The following ERN1 variants were observed in gnomAD, a reference collection of about 807,000 sequenced individuals.
The protein encoded by ERN1 is serine/threonine-protein kinase/endoribonuclease IRE1.
A neutral mutation model predicts 113.1 loss-of-function variants in ERN1; 39 were observed. That is an observed-to-expected ratio of 0.34 (90% CI 0.27 to 0.45). The LOEUF (loss-of-function observed/expected upper bound fraction) is 0.45. Among genes scored for constraint, ERN1 ranks in the 20% least tolerant of loss-of-function variants. The pLI, the probability that ERN1 is intolerant of heterozygous loss-of-function variation, is 1.00. For missense variants in ERN1, 976 were observed against 1,274.8 expected (o/e 0.77, Z 3.57); for synonymous variants, 507 against 515.9 (o/e 0.98, Z 0.23).
chr17:64,119,443 C>T (rs1364387136), intron 1 of ERN1, among the ~76,000 whole-genome samples: 3 of 122,420 alleles, frequency 2.5e-5, no homozygotes, highest in African/African-American at 9.7e-5. Context: ...GGCTGGAGTG[C>T]AGTGGTGGGA....
chr17:64,098,638 C>A (rs1292345967), intron 1 of ERN1: 3 of 508,104 alleles, frequency 5.9e-6, no homozygotes, highest in African/African-American at 5.8e-5. Context: ...CACGCATACA[C>A]ACATTCATGA....
chr17:64,102,611 T>C (rs1862330792), intron 1 of ERN1: 7 of 951,444 alleles, frequency 7.4e-6, no homozygotes, highest in South Asian at 4.8e-5. Flanking sequence ...ATAGCTAACA[T>C]GAATTAAACA....
At chr17:64,127,885 T>C (rs1915121544) in intron 1 of ERN1, among the ~76,000 whole-genome samples, 2 of 152,188 alleles carry the variant, frequency 1.3e-5, no homozygotes, top group African/African-American at 2.4e-5. Context: ...CACATCACTG[T>C]TGCCTGGTTT....
chr17:64,122,291 G>C (rs1309205917), intron 1 of ERN1, among the ~76,000 whole-genome samples: 1 of 152,274 alleles, frequency 6.6e-6, no homozygotes, highest in Middle Eastern at 3.4e-3. Flanking sequence ...TGGGAGAGGA[G>C]GGTAATGCCT....
chr17:64,054,802 C>T lies in ERN1; in HGVS notation c.1699G>A (p.Gly567Arg), dbSNP rs1187799872. The T allele has an allele frequency of 1.2e-6, 2 of 1,609,504 alleles. No individual in the cohort carries two copies. The change falls in exon 14 of 22, where the codon GGG becomes AGG. Residue 567 changes from glycine to arginine, a missense_variant. Transcript: ENST00000433197. This position sits in a 1 kb window ranked among gnomAD's most constrained non-coding sequence, Gnocchi z 4.9. Reference sequence around the variant, plus strand: ...TCCTTGGGACAGAAGGAAATTTTCCCAACTATCACCACGCTGGTTTCCTCA... The same window carrying T: ...TCCTTGGGACAGAAGGAAATTTTCCTAACTATCACCACGCTGGTTTCCTCA... Reference protein sequence around the residue: ...GDEETSVVIVGKISFCPKDVL... With the variant: ...GDEETSVVIVRKISFCPKDVL...
intron 1 of ERN1, among the ~76,000 whole-genome samples, chr17:64,101,195 G>A (rs1914374653): frequency 6.6e-6 from 1 of 152,162 alleles, no homozygotes; most frequent in African/African-American, 2.4e-5. Flanking sequence ...GATCACTTGA[G>A]GTCAGATGTT....
chr17:64,110,835 A>T (rs758748095), intron 1 of ERN1, among the ~76,000 whole-genome samples: 2 of 152,250 alleles, frequency 1.3e-5, no homozygotes, highest in African/African-American at 4.8e-5. Flanking sequence ...GAGATTGGAA[A>T]GCACAAGAAA....
chr17:64,070,823 G>T (rs1466132288), intron 6 of ERN1, among the ~76,000 whole-genome samples: 2 of 152,010 alleles, frequency 1.3e-5, no homozygotes, highest in African/African-American at 4.8e-5. Context: ...CAATTTTCAT[G>T]GCATCCCCGA....
intron 1 of ERN1, among the ~76,000 whole-genome samples, chr17:64,107,122 C>G (rs1567883182): frequency 6.6e-6 from 1 of 152,148 alleles, no homozygotes; most frequent in Non-Finnish European, 1.5e-5. Context: ...ATCAAAAATT[C>G]ACCAAAGCAG....
At chr17:64,118,263 C>A (rs1209283718) in intron 1 of ERN1, among the ~76,000 whole-genome samples, 1 of 152,186 alleles carries the variant, frequency 6.6e-6, no homozygotes, top group Admixed American at 6.5e-5. Flanking sequence ...AGTTGCACAG[C>A]TAGCTAGTAC....
chr17:64,088,216 T>C (rs1263829457), intron 2 of ERN1, among the ~76,000 whole-genome samples: 1 of 152,144 alleles, frequency 6.6e-6, no homozygotes, highest in Non-Finnish European at 1.5e-5. Context: ...TGCTTTTGCT[T>C]TTCCGTTGGA....
chr17:64,042,077 T>TCCA lies in ERN1; in HGVS notation c.*1908_*1910dup, dbSNP rs1912356965. The TCCA allele has an allele frequency of 6.6e-6, 1 of 152,278 alleles. No homozygotes were observed. 9.4% of individuals were successfully genotyped at this position (152,278 alleles called of 1,614,324 possible). ...CTGTTAAATCACTCGTGGCACCTTC[T>TCCA]CCACCTTCTGATCCTCTCTTGGGTT... On this transcript the variant is annotated 3_prime_UTR_variant, in exon 22 of 22. Transcript: ENST00000433197.
At chr17:64,056,971 G>T (rs989984202) in intron 12 of ERN1, among the ~76,000 whole-genome samples, 1 of 152,134 alleles carries the variant, frequency 6.6e-6, no homozygotes, top group African/African-American at 2.4e-5. Context: ...GATGCTCTGA[G>T]CAACCTGCTG....
chr17:64,069,052 T>C (rs1013660008), intron 6 of ERN1, among the ~76,000 whole-genome samples: 5 of 152,124 alleles, frequency 3.3e-5, no homozygotes, highest in Non-Finnish European at 7.3e-5. Flanking sequence ...AAAATAACTT[T>C]AGGGAAAAGA....
At chr17:64,100,819 A>C (rs1215384602) in intron 1 of ERN1, among the ~76,000 whole-genome samples, 1 of 151,792 alleles carries the variant, frequency 6.6e-6, no homozygotes, top group Admixed American at 6.6e-5. Flanking sequence ...TGGAAATAAA[A>C]CTTCAGAGAG....
intron 1 of ERN1, among the ~76,000 whole-genome samples, chr17:64,099,139 A>T (rs922161581): frequency 6.6e-6 from 1 of 152,242 alleles, no homozygotes; most frequent in African/African-American, 2.4e-5. Flanking sequence ...ATAAATAAAG[A>T]CATATGTTCA....
chr17:64,129,892 T>A, intron 1 of ERN1, 84 bp downstream of exon 1: 1 of 1,248,422 alleles, frequency 8.0e-7, no homozygotes, highest in Non-Finnish European at 1.0e-6. Flanking sequence ...CAGCTCGGAC[T>A]CCAGCCCCGG....
At chr17:64,119,871 G>C (rs144020451) in intron 1 of ERN1, among the ~76,000 whole-genome samples, 228 of 152,182 alleles carry the variant, frequency 1.5e-3, no homozygotes, top group African/African-American at 5.4e-3. Context: ...AAAATTACTT[G>C]AAGGCCTCAT....
At chr17:64,072,230 G>T (rs1429406598) in intron 5 of ERN1, 127 bp from the exon 6 acceptor site, 2 of 981,004 alleles carry the variant, frequency 2.0e-6, no homozygotes, top group Non-Finnish European at 3.0e-6. Context: ...CATTTCTAAG[G>T]TGATGATATA....
Sources: allele counts gnomAD v4.1 joint callset (sites outside exome capture counted in the v4.1 genomes callset), GRCh38; gene constraint gnomAD v4.1.1; non-coding constraint Gnocchi (gnomAD v3.1); transcripts MANE v1.5; gene names NCBI Gene and HGNC (gene_info 2026-07-23, HGNC 2026-07-21).